The following COLQ variants were observed in gnomAD, a reference collection of about 807,000 sequenced individuals.
COLQ encodes acetylcholinesterase collagenic tail peptide.
Under a neutral mutation model 69.0 loss-of-function variants are expected in COLQ, and 48 were observed. The observed-to-expected ratio is 0.70, with a 90% confidence interval of 0.55 to 0.88. The LOEUF is 0.88. Among genes scored for constraint, COLQ ranks in the 40% least tolerant of loss-of-function variants. The pLI is 0.00. For missense variants in COLQ, 618 were observed against 594.6 expected (o/e 1.04, Z -0.41); for synonymous variants, 217 against 211.2 (o/e 1.03, Z -0.24).
intron 3 of COLQ, among the ~76,000 whole-genome samples, chr3:15,487,693 T>C (rs892266786): frequency 6.6e-6 from 1 of 152,212 alleles, no homozygotes; most frequent in Admixed American, 6.5e-5. Context: ...CTTGTTTGTC[T>C]AGAAATCCTT....
At chr3:15,494,169 G>T (rs2062711463) in intron 1 of COLQ, among the ~76,000 whole-genome samples, 1 of 152,176 alleles carries the variant, frequency 6.6e-6, no homozygotes, top group African/African-American at 2.4e-5. Context: ...AAGGGTTTAG[G>T]CTTTAATTGG....
chr3:15,472,777 C>T (rs1479355428), intron 10 of COLQ, among the ~76,000 whole-genome samples: 1 of 152,184 alleles, frequency 6.6e-6, no homozygotes, highest in Non-Finnish European at 1.5e-5. Context: ...TTTTTGTCAT[C>T]TCTATATACC....
chr3:15,453,357 T>G (rs2061976211), intron 16 of COLQ, among the ~76,000 whole-genome samples: 1 of 152,202 alleles, frequency 6.6e-6, no homozygotes, highest in African/African-American at 2.4e-5. Context: ...AAGGCTGATT[T>G]GATCTCACTT....
intron 12 of COLQ, among the ~76,000 whole-genome samples, chr3:15,465,231 TTTTG>T (rs1268307115): frequency 9.3e-6 from 1 of 106,986 alleles, no homozygotes; most frequent in Non-Finnish European, 2.0e-5. Context: ...AGACTTTATA[TTTTG>T]ATTTATTTAT....
intron 1 of COLQ, among the ~76,000 whole-genome samples, chr3:15,499,292 GAC>G (rs1208735004): frequency 2.6e-5 from 4 of 152,276 alleles, no homozygotes; most frequent in South Asian, 2.1e-4. Flanking sequence ...CACAAGCATG[GAC>G]ACACACAATA....
chr3:15,486,140 C>G (rs1158827311), intron 3 of COLQ, among the ~76,000 whole-genome samples: 4 of 152,134 alleles, frequency 2.6e-5, no homozygotes, highest in Non-Finnish European at 5.9e-5. Context: ...ATTCCAATCT[C>G]TTGATTCTTC....
Position 15,499,988 on chromosome 3 carries a change from T to C in COLQ, c.107-10351A>G, listed in dbSNP as rs531397175. On this transcript the variant is annotated intron_variant, in intron 1 of 16. Transcript: ENST00000383788. ...TCTTATTGACATATTCTTGGATAAC[T>C]GTTGTATAAGGTAAAAAAAGAAGAG... Among the ~76,000 whole-genome samples, 5 of 152,318 alleles carry C rather than the reference T, an allele frequency of 3.3e-5. No homozygotes were observed. The South Asian group carries it at 1.0e-3, about 32-fold the overall frequency.
chr3:15,472,088 A>G (rs1207761803), intron 10 of COLQ, among the ~76,000 whole-genome samples: 2 of 152,002 alleles, frequency 1.3e-5, no homozygotes, highest in Admixed American at 1.3e-4. Context: ...TGGTCATCAT[A>G]TCAGCTCTGT....
In COLQ at chr3:15,473,481, A is replaced by C. The variant is rs997950117; in HGVS notation, c.636+519T>G. On this transcript the variant is annotated intron_variant, in intron 10 of 16. Transcript: ENST00000383788. The surrounding 1 kb of genome is among the most constrained non-coding windows in gnomAD (Gnocchi z 4.0). ...CCAATATTTAACTATTTAAATACAA[A>C]ATTTAACTCTTAAACAATGTTAGCA... 3.9e-5 allele frequency among the ~76,000 whole-genome samples: 6 copies of C among 152,142 alleles called. No individual in the cohort carries two copies. The highest frequency in any genetic ancestry group is 1.4e-4 in the African/African-American group (6 of 41,434).
chr3:15,510,132 C>T (rs956282669), intron 1 of COLQ, among the ~76,000 whole-genome samples: 7 of 151,642 alleles, frequency 4.6e-5, no homozygotes, highest in African/African-American at 9.7e-5. Context: ...GCCGAGATCG[C>T]GCCACTGCAG....
At chr3:15,483,750 T>A (rs1358486510) in intron 3 of COLQ, among the ~76,000 whole-genome samples, 1 of 152,206 alleles carries the variant, frequency 6.6e-6, no homozygotes, top group African/African-American at 2.4e-5. Flanking sequence ...AGAGCTGAGT[T>A]CAAGTCCTGG....
At chr3:15,482,121 G>A (rs1451772573) in intron 3 of COLQ, among the ~76,000 whole-genome samples, 1 of 152,202 alleles carries the variant, frequency 6.6e-6, no homozygotes, top group Non-Finnish European at 1.5e-5. Context: ...GGGCTGAGAT[G>A]ATGGGGTTTT....
At chr3:15,458,109 A>AT in intron 13 of COLQ, 77 bp downstream of exon 13, 2 of 1,541,514 alleles carry the variant, frequency 1.3e-6, no homozygotes, top group Non-Finnish European at 1.8e-6. Flanking sequence ...TACTGAAAGG[A>AT]TTTTACAAAG....
chr3:15,512,503 A>T (rs1056046693), intron 1 of COLQ, among the ~76,000 whole-genome samples: 1 of 152,184 alleles, frequency 6.6e-6, no homozygotes, highest in Admixed American at 6.5e-5. Flanking sequence ...TCTCTGGGCA[A>T]CGTGTTCCTT....
rs752084861 is a variant in COLQ, at chr3:15,478,957, C to T, written c.393+20G>A. 1.7e-5 allele frequency: 27 copies of T among 1,614,214 alleles called. No homozygotes were observed. Among genetic ancestry groups the T allele is most frequent in the Non-Finnish European group, 2.3e-5 (27 of 1,180,040 alleles). On this transcript the variant is annotated intron_variant, in intron 5 of 16. Transcript: ENST00000383788. The stretch of plus-strand genomic sequence containing the variant: ...AGCACAGACGCTCATGTGACACTCA[C>T]AGAACAGCGCAGACCATACCTTCCT...
At chr3:15,478,883 GA>G (rs1272451181) in intron 5 of COLQ, 93 bp downstream of exon 5, 3 of 1,453,620 alleles carry the variant, frequency 2.1e-6, no homozygotes, top group Non-Finnish European at 2.9e-6. Flanking sequence ...AGTGACCACT[GA>G]AGTGCATTGC....
At chr3:15,453,339 T>TA (rs1575459912) in intron 16 of COLQ, among the ~76,000 whole-genome samples, 2 of 152,294 alleles carry the variant, frequency 1.3e-5, no homozygotes, top group East Asian at 3.9e-4. Flanking sequence ...CTTGCAAAAT[T>TA]AGATATTAAG....
intron 14 of COLQ, among the ~76,000 whole-genome samples, 168 bp downstream of exon 14, chr3:15,456,292 G>T (rs2062024549): frequency 6.9e-6 from 1 of 145,910 alleles, no homozygotes; most frequent in Non-Finnish European, 1.5e-5. Flanking sequence ...CAGGGTGGGG[G>T]AATGGAGGGC....
chr3:15,512,654 A>G (rs774215706), intron 1 of COLQ, among the ~76,000 whole-genome samples: 5 of 152,236 alleles, frequency 3.3e-5, no homozygotes, highest in Non-Finnish European at 7.3e-5. Flanking sequence ...AATTATGGAA[A>G]AAGATCTGAC....
Sources: allele counts gnomAD v4.1 joint callset (sites outside exome capture counted in the v4.1 genomes callset), GRCh38; gene constraint gnomAD v4.1.1; non-coding constraint Gnocchi (gnomAD v3.1); transcripts MANE v1.5; gene names NCBI Gene and HGNC (gene_info 2026-07-23, HGNC 2026-07-21).